MAP4K4: variants seen among roughly 807,000 people sequenced by gnomAD.
MAP4K4 encodes HPK/GCK-like kinase HGK.
A neutral mutation model predicts 189.6 loss-of-function variants in MAP4K4; 38 were observed. The observed-to-expected ratio is 0.20, with a 90% CI of 0.15 to 0.26. MAP4K4 has a LOEUF of 0.26. MAP4K4 is among the 10% of genes least tolerant of loss of function. MAP4K4 has a pLI of 1.00. For synonymous variants in MAP4K4, 610 were observed against 624.3 expected (o/e 0.98, Z 0.34); for missense variants, 1,054 against 1,726.9 (o/e 0.61, Z 6.91).
intron 2 of MAP4K4, among the ~76,000 whole-genome samples, chr2:101,783,643 T>G (rs116095771): frequency 0.011 from 1,636 of 152,264 alleles, 40 homozygotes; most frequent in African/African-American, 0.037. Context: ...GCAACATACT[T>G]TACCCCCAGT....
chr2:101,860,369 C>T lies in MAP4K4; in HGVS notation c.1705-456C>T, dbSNP rs926861618. 3 of 186,334 alleles carry T rather than the reference C, an allele frequency of 1.6e-5. 1 individual carries two copies. The highest frequency in any genetic ancestry group is 2.2e-4 in the South Asian group (2 of 9,216). 11.5% of individuals were successfully genotyped at this position (186,334 alleles called of 1,614,324 possible). A position where few individuals can be genotyped will look rare whatever the true frequency, so the allele number is the denominator to read the frequency against. On this transcript the variant is annotated intron_variant, in intron 15 of 32. Coordinates refer to ENST00000324219, the Ensembl canonical transcript of MAP4K4. ...GTGTGCCTCCAGAGGTGTTGAATCC[C>T]GGCCCACAGGTGGCAGCAGCCTTCT...
chr2:101,891,092 G>C, intron 32 of MAP4K4, 74 bp from the exon 33 acceptor site: 1 of 1,149,974 alleles, frequency 8.7e-7, no homozygotes, highest in Non-Finnish European at 1.3e-6. Flanking sequence ...TGAGGATGAT[G>C]GTGGCTTAGA....
At chr2:101,824,088 C>T in intron 4 of MAP4K4, 35 bp downstream of exon 4, 1 of 1,065,610 alleles carries the variant, frequency 9.4e-7, no homozygotes, top group Non-Finnish European at 1.2e-6. Context: ...TGTGGGCATT[C>T]CATTTGCTTG....
intron 7 of MAP4K4, among the ~76,000 whole-genome samples, chr2:101,833,743 A>G (rs1197470891): frequency 6.6e-6 from 1 of 152,212 alleles, no homozygotes; most frequent in Non-Finnish European, 1.5e-5. Flanking sequence ...TGGAACTTAT[A>G]TTTGAGTAGA....
intron 18 of MAP4K4, among the ~76,000 whole-genome samples, chr2:101,865,740 T>C (rs961758352): frequency 6.6e-6 from 1 of 152,220 alleles, no homozygotes; most frequent in African/African-American, 2.4e-5. Context: ...GTTTTATATC[T>C]TGATCATCAC....
At chr2:101,746,829 C>T (rs2065825786) in intron 2 of MAP4K4, among the ~76,000 whole-genome samples, 1 of 152,078 alleles carries the variant, frequency 6.6e-6, no homozygotes, top group African/African-American at 2.4e-5. Flanking sequence ...GCCGCCCCTT[C>T]CCTCAACAAG....
At chr2:101,712,111 T>G (rs1196754414) in intron 2 of MAP4K4, among the ~76,000 whole-genome samples, 1 of 152,056 alleles carries the variant, frequency 6.6e-6, no homozygotes, top group Non-Finnish European at 1.5e-5. Flanking sequence ...TCAAATGATA[T>G]TATACCTTAC....
exon 16 of MAP4K4, chr2:101,860,940 A>G: frequency 6.2e-7 from 1 of 1,604,672 alleles, no homozygotes. Flanking sequence ...TCCAATGGCA[A>G]CTCCGAGTCT....
chr2:101,836,549 T>C (rs1576501624), intron 9 of MAP4K4, among the ~76,000 whole-genome samples: 1 of 151,844 alleles, frequency 6.6e-6, no homozygotes, highest in East Asian at 1.9e-4. Flanking sequence ...GATCACGCCA[T>C]TGCACTCCAG....
At chr2:101,875,596 A>G (rs2098178306) in intron 26 of MAP4K4, among the ~76,000 whole-genome samples, 1 of 151,622 alleles carries the variant, frequency 6.6e-6, no homozygotes, top group Non-Finnish European at 1.5e-5. Context: ...TGTATGTGCC[A>G]TGATATTCTT....
At chr2:101,838,045 T>C (rs2096813411) in intron 9 of MAP4K4, among the ~76,000 whole-genome samples, 1 of 152,254 alleles carries the variant, frequency 6.6e-6, no homozygotes, top group African/African-American at 2.4e-5. Context: ...CTACCCGATG[T>C]AAATTCTACT....
chr2:101,761,591 C>G (rs1337545689), intron 2 of MAP4K4, among the ~76,000 whole-genome samples: 2 of 149,536 alleles, frequency 1.3e-5, no homozygotes, highest in Non-Finnish European at 3.0e-5. Context: ...GTCTCTCTCA[C>G]TCTTGTTGCC....
At position 101,858,996 on chromosome 2, in the gene MAP4K4, G is replaced by T; in HGVS notation, c.1396G>T (p.Glu466Ter). Residue 466 changes from glutamate (E) to a stop codon, truncating the protein, a stop_gained and splice_region_variant, in exon 14 of 33, where the codon GAG (glutamate) becomes TAG (stop). Transcript: ENST00000324219. LOFTEE classifies it high-confidence loss of function. ...TTGCTGGGTGATTTCTGTGTGACAG[G>T]AGTATATCAGGCGACAGCTAGAAGA... 4 of 1,609,702 alleles carry T rather than the reference G, an allele frequency of 2.5e-6. No homozygotes were observed. The highest frequency in any genetic ancestry group is 3.4e-6 in the Non-Finnish European group (4 of 1,176,950).
chr2:101,719,104 G>A (rs2050211461), intron 2 of MAP4K4, among the ~76,000 whole-genome samples: 1 of 152,216 alleles, frequency 6.6e-6, no homozygotes. Context: ...TAGAGAATGT[G>A]TAGCTCAACC....
In MAP4K4 at chr2:101,784,297, T is replaced by C. The variant is rs938730543; in HGVS notation, c.124-6423T>C. 5.3e-5 allele frequency among the ~76,000 whole-genome samples: 8 copies of C among 151,038 alleles called. No individual in the cohort carries two copies. In the East Asian group the frequency reaches 1.5e-3, roughly 29 times the overall value. Reference sequence around the variant, plus strand: ...GTGTGTGTGTGTGTGTATGTGTGTGTGTGTGTGTGTGTTTTTAAACACCTC... The same window carrying C: ...GTGTGTGTGTGTGTGTATGTGTGTGCGTGTGTGTGTGTTTTTAAACACCTC... On this transcript the variant is annotated intron_variant, in intron 2 of 32. Coordinates refer to ENST00000324219, the Ensembl canonical transcript of MAP4K4.
intron 2 of MAP4K4, among the ~76,000 whole-genome samples, chr2:101,722,787 A>T (rs2052959089): frequency 6.6e-6 from 1 of 152,178 alleles, no homozygotes; most frequent in Admixed American, 6.5e-5. Flanking sequence ...TGGTTTCAGA[A>T]TTTATTTCCT....
chr2:101,738,490 A>G (rs933524489), intron 2 of MAP4K4, among the ~76,000 whole-genome samples: 1 of 152,192 alleles, frequency 6.6e-6, no homozygotes, highest in Non-Finnish European at 1.5e-5. Flanking sequence ...GTTTGGGTTG[A>G]ACAGAATTGA....
intron 2 of MAP4K4, among the ~76,000 whole-genome samples, chr2:101,710,408 T>C (rs1041477043): frequency 3.3e-5 from 5 of 152,256 alleles, no homozygotes; most frequent in African/African-American, 1.2e-4. Context: ...TTTCAAGGCT[T>C]GGTTTCTGTT....
intron 2 of MAP4K4, among the ~76,000 whole-genome samples, chr2:101,762,428 C>G (rs1452397566): frequency 1.3e-5 from 2 of 152,150 alleles, no homozygotes. Flanking sequence ...ACTTGAATTC[C>G]TGGGATTTGG....
Sources: allele counts gnomAD v4.1 joint callset (sites outside exome capture counted in the v4.1 genomes callset), GRCh38; gene constraint gnomAD v4.1.1; transcripts MANE v1.5; gene names NCBI Gene and HGNC (gene_info 2026-07-23, HGNC 2026-07-21).